ZNF385D: variants seen among roughly 807,000 people sequenced by gnomAD.
ZNF385D encodes the protein zinc finger protein 659.
A neutral mutation model predicts 35.8 loss-of-function variants in ZNF385D; 15 were observed. The observed-to-expected ratio is 0.42, with a 90% confidence interval of 0.28 to 0.64. The LOEUF (loss-of-function observed/expected upper bound fraction) is 0.64, where lower values mean the gene tolerates loss of function less well. Ranked by LOEUF, ZNF385D falls within the 30% of genes least tolerant of loss-of-function variation. The probability of loss-of-function intolerance (pLI) is 0.23; values close to 1 mark genes in which losing one functional copy is unlikely to be tolerated. For missense variants in ZNF385D, 474 were observed against 494.6 expected (o/e 0.96, Z 0.39); for synonymous variants, 212 against 186.8 (o/e 1.13, Z -1.10).
chr3:21,928,393 G>C (rs1461600113), intron 3 of ZNF385D, among the ~76,000 whole-genome samples: 1 of 151,494 alleles, frequency 6.6e-6, no homozygotes, highest in Non-Finnish European at 1.5e-5. Flanking sequence ...GAAGAAAGAT[G>C]AAAAGAAGGA....
chr3:22,223,328 C>G (rs1698368918), intron 2 of ZNF385D, among the ~76,000 whole-genome samples: 1 of 152,014 alleles, frequency 6.6e-6, no homozygotes, highest in Admixed American at 6.6e-5. Context: ...TGGCAATTTT[C>G]ATAAGTATAG....
intron 2 of ZNF385D, among the ~76,000 whole-genome samples, chr3:22,339,045 A>G (rs1695303224): frequency 6.6e-6 from 1 of 152,100 alleles, no homozygotes; most frequent in African/African-American, 2.4e-5. Flanking sequence ...TTAAATACAT[A>G]TATATAGAGA....
chr3:21,633,733 A>T (rs1175284180), intron 2 of ZNF385D, among the ~76,000 whole-genome samples: 1 of 152,116 alleles, frequency 6.6e-6, no homozygotes, highest in Non-Finnish European at 1.5e-5. Context: ...AATCTAGTAA[A>T]CAGGAAAAAG....
At chr3:21,767,545 C>T (rs566868656) in intron 3 of ZNF385D, among the ~76,000 whole-genome samples, 1 of 152,106 alleles carries the variant, frequency 6.6e-6, no homozygotes, top group African/African-American at 2.4e-5. Context: ...GAAGACAGAG[C>T]CAGAGTCACC....
intron 3 of ZNF385D, among the ~76,000 whole-genome samples, chr3:22,121,920 G>C (rs1452111228): frequency 6.6e-6 from 1 of 151,792 alleles, no homozygotes; most frequent in East Asian, 1.9e-4. Context: ...AAGTTCAAGG[G>C]GCTAATCTTA....
intron 1 of ZNF385D, among the ~76,000 whole-genome samples, chr3:21,665,377 T>G (rs1370607199): frequency 6.6e-6 from 1 of 152,112 alleles, no homozygotes; most frequent in Non-Finnish European, 1.5e-5. Flanking sequence ...CCCTCCATCA[T>G]GCACCCATCC....
At chr3:21,648,857 T>A (rs754089676) in intron 2 of ZNF385D, among the ~76,000 whole-genome samples, 18 of 152,192 alleles carry the variant, frequency 1.2e-4, no homozygotes, top group Non-Finnish European at 2.4e-4. Flanking sequence ...AGTCCACATA[T>A]AACCTGAGAT....
intron 3 of ZNF385D, among the ~76,000 whole-genome samples, chr3:22,113,964 A>G (rs926033246): frequency 1.3e-5 from 2 of 152,134 alleles, no homozygotes; most frequent in African/African-American, 4.8e-5. Flanking sequence ...CAACCACATC[A>G]GTTTACCTTT....
At chr3:21,881,599 A>G (rs1003960660) in intron 3 of ZNF385D, among the ~76,000 whole-genome samples, 8 of 152,050 alleles carry the variant, frequency 5.3e-5, no homozygotes, top group South Asian at 2.1e-4. Context: ...GCCTGCTAAC[A>G]TAAGATGCAT....
At chr3:21,725,559 A>G (rs1426535414) in intron 1 of ZNF385D, among the ~76,000 whole-genome samples, 1 of 152,230 alleles carries the variant, frequency 6.6e-6, no homozygotes, top group Non-Finnish European at 1.5e-5. Flanking sequence ...AAACACTCCT[A>G]CACAAATAAA....
intron 3 of ZNF385D, among the ~76,000 whole-genome samples, chr3:22,006,071 G>A (rs190524853): frequency 6.6e-6 from 1 of 152,054 alleles, no homozygotes. Flanking sequence ...ATACAGTCCA[G>A]GGTAGTCAGT....
At chr3:22,021,059 A>G (rs138524385) in intron 3 of ZNF385D, among the ~76,000 whole-genome samples, 79 of 152,056 alleles carry the variant, frequency 5.2e-4, no homozygotes, top group African/African-American at 1.3e-3. Context: ...TGGGAGCTAA[A>G]AATGTATACC....
chr3:22,179,744 CAA>C (rs1416551403), intron 2 of ZNF385D, among the ~76,000 whole-genome samples: 1 of 152,088 alleles, frequency 6.6e-6, no homozygotes, highest in Admixed American at 6.5e-5. Context: ...CCAATGAGAA[CAA>C]AGACACAACA....
rs71044975 is a variant in ZNF385D at position 22,127,317 on chromosome 3, C to CTTTTTTTTTT, written c.325+41490_325+41499dup. On this transcript the variant is annotated intron_variant, in intron 3 of 5. Coordinates refer to the ZNF385D transcript ENST00000494108. ...TCTGGTAGTATGTTTTCATTTCCTG[C>CTTTTTTTTTT]TTTTTTTTTTTTTTTTTTTTTTTTT... 1.6e-4 allele frequency among the ~76,000 whole-genome samples: 9 copies of CTTTTTTTTTT among 56,334 alleles called. 1 individual carries two copies. The highest frequency in any genetic ancestry group is 2.4e-4 in the African/African-American group (3 of 12,748). The allele number at this position is 56,334 out of a possible 152,430, so 37.0% of individuals were successfully genotyped here.
At chr3:22,147,579 A>G (rs1704942061) in intron 3 of ZNF385D, among the ~76,000 whole-genome samples, 1 of 152,222 alleles carries the variant, frequency 6.6e-6, no homozygotes, top group Non-Finnish European at 1.5e-5. Flanking sequence ...TAATGGTAAT[A>G]TCATATGCTT....
chr3:21,586,074 C>G (rs2063802227), intron 2 of ZNF385D, among the ~76,000 whole-genome samples: 1 of 152,004 alleles, frequency 6.6e-6, no homozygotes. Flanking sequence ...GGCATGGTGG[C>G]ACGCACCTGT....
At chr3:22,120,368 G>A (rs576972862) in intron 3 of ZNF385D, among the ~76,000 whole-genome samples, 1 of 152,122 alleles carries the variant, frequency 6.6e-6, no homozygotes, top group Admixed American at 6.6e-5. Context: ...TTTGTGTGCT[G>A]CATCCCTTCC....
chr3:21,697,976 T>G (rs1206758477), intron 1 of ZNF385D, among the ~76,000 whole-genome samples: 1 of 151,696 alleles, frequency 6.6e-6, no homozygotes, highest in Non-Finnish European at 1.5e-5. Context: ...ATGGAAAAAA[T>G]GGAAAACATA....
intron 4 of ZNF385D, among the ~76,000 whole-genome samples, chr3:21,462,339 C>T (rs1703231185): frequency 6.6e-6 from 1 of 152,100 alleles, no homozygotes; most frequent in South Asian, 2.1e-4. Context: ...AGTAAGCAGA[C>T]ATTCATCATA....
Sources: allele counts gnomAD v4.1 joint callset (sites outside exome capture counted in the v4.1 genomes callset), GRCh38; gene constraint gnomAD v4.1.1; transcripts MANE v1.5; gene names NCBI Gene and HGNC (gene_info 2026-07-23, HGNC 2026-07-21).